B3GALNT2: variants seen among roughly 807,000 people sequenced by gnomAD.
B3GALNT2 encodes the protein UDP-GalNAc:beta-1,3-N-acetylgalactosaminyltransferase 2.
Under a neutral mutation model 61.1 loss-of-function variants are expected in B3GALNT2, and 53 were observed. The observed-to-expected ratio is 0.87, with a 90% CI of 0.70 to 1.09. The LOEUF is 1.09. Among genes scored for constraint, B3GALNT2 ranks in the 50% least tolerant of loss-of-function variants. The pLI is 0.00. For synonymous variants in B3GALNT2, 223 were observed against 237.4 expected, an observed-to-expected ratio of 0.94 and a Z score of 0.56; for missense variants, 544 against 623.0, an observed-to-expected ratio of 0.87 and a Z score of 1.35.
intron 3 of B3GALNT2, among the ~76,000 whole-genome samples, chr1:235,488,438 CT>C (rs1253194497): frequency 6.6e-6 from 1 of 151,956 alleles, no homozygotes; most frequent in Non-Finnish European, 1.5e-5. Context: ...AATCTCAGCA[CT>C]TTGGGAGGCT....
intron 5 of B3GALNT2, among the ~76,000 whole-genome samples, chr1:235,476,162 C>CT (rs1684268107): frequency 6.6e-6 from 1 of 152,106 alleles, no homozygotes; most frequent in East Asian, 1.9e-4. Context: ...AATCCCAGCA[C>CT]TTTGGGAGGC....
intron 10 of B3GALNT2, 22 bp downstream of exon 10, chr1:235,454,134 A>C (rs745565446): frequency 4.4e-6 from 7 of 1,575,780 alleles, no homozygotes; most frequent in Non-Finnish European, 6.0e-6. Context: ...CCACCACGCC[A>C]AGCTAAGAAA....
chr1:235,441,875 GCTA>G, the B3GALNT2 span: 3 of 1,613,876 alleles, frequency 1.9e-6, no homozygotes, highest in Admixed American at 1.7e-5. Context: ...TGAAAAACCA[GCTA>G]CTAAGTAAGA....
Position 235,504,177 on chromosome 1 carries a change from G to T in B3GALNT2, c.76C>A (p.Pro26Thr). 1 of 1,307,182 alleles carries T rather than the reference G, an allele frequency of 7.7e-7. No homozygotes were observed. The highest frequency in any genetic ancestry group is 2.3e-5 in the South Asian group (1 of 43,772). 81.0% of individuals were successfully genotyped at this position (1,307,182 alleles called of 1,614,324 possible). The stretch of plus-strand genomic sequence containing the variant: ...GCCCCGGAGGCGCAGGCGGGCGGCG[G>T]GGAGCGCAGCCGCAGCCAGAGGTGC... ...ALHLWLRLRS[P>T]PPACASGAGP... Residue 26 changes from proline (P) to threonine (T), a missense_variant, in exon 1 of 12, where the codon CCG becomes ACG. Transcript: ENST00000366600.
At chr1:235,446,078 T>G (rs1439958480), downstream of B3GALNT2, among the ~76,000 whole-genome samples, 3 of 152,190 alleles carry the variant, frequency 2.0e-5, no homozygotes, top group Non-Finnish European at 2.9e-5. Context: ...TACTGGGCAG[T>G]GTATGGCTAG....
At chr1:235,459,951 G>A (rs1305646068) in intron 7 of B3GALNT2, among the ~76,000 whole-genome samples, 3 of 151,736 alleles carry the variant, frequency 2.0e-5, no homozygotes, top group Non-Finnish European at 4.4e-5. Context: ...TAGCTACCAC[G>A]CCCGGCTAAT....
At chr1:235,500,314 A>C (rs1323051352) in intron 1 of B3GALNT2, among the ~76,000 whole-genome samples, 1 of 152,126 alleles carries the variant, frequency 6.6e-6, no homozygotes, top group Non-Finnish European at 1.5e-5. Flanking sequence ...CCAACATGGC[A>C]AAACGCAGTC....
chr1:235,490,660 A>G (rs1427980868), intron 2 of B3GALNT2, among the ~76,000 whole-genome samples: 1 of 152,204 alleles, frequency 6.6e-6, no homozygotes, highest in Non-Finnish European at 1.5e-5. Flanking sequence ...CCAACTGTCA[A>G]CTTTTCAGAA....
chr1:235,498,935 T>C (rs961334849), intron 1 of B3GALNT2, among the ~76,000 whole-genome samples: 2 of 151,414 alleles, frequency 1.3e-5, no homozygotes. Flanking sequence ...GCAGGGCAAT[T>C]TGGCAATGTG....
At chr1:235,480,861 G>A (rs1337029280) in intron 4 of B3GALNT2, among the ~76,000 whole-genome samples, 1 of 122,376 alleles carries the variant, frequency 8.2e-6, no homozygotes, top group Non-Finnish European at 1.6e-5. Context: ...AGCCAAGACT[G>A]CACCACTGCA....
chr1:235,440,877 T>G, the B3GALNT2 span: 1 of 152,188 alleles, frequency 6.6e-6, no homozygotes, highest in East Asian at 1.9e-4. Context: ...AATTCATGAG[T>G]CTTTGTCCCT....
chr1:235,457,962 A>G (rs1683246010), intron 8 of B3GALNT2, among the ~76,000 whole-genome samples: 1 of 148,352 alleles, frequency 6.7e-6, no homozygotes, highest in South Asian at 2.1e-4. Context: ...GCTGGAGTGC[A>G]GTGGTGTGAT....
At chr1:235,484,285 G>C (rs754535220) in intron 4 of B3GALNT2, 37 bp downstream of exon 4, 7 of 1,531,036 alleles carry the variant, frequency 4.6e-6, no homozygotes, top group East Asian at 2.3e-5. Context: ...TTTTGAAAAA[G>C]AAAAAAGAGA....
chr1:235,487,207 T>C (rs1475230953), intron 3 of B3GALNT2, among the ~76,000 whole-genome samples: 1 of 151,760 alleles, frequency 6.6e-6, no homozygotes, highest in African/African-American at 2.4e-5. Context: ...CAAAGGACTT[T>C]CTCCCCAGCA....
At chr1:235,498,144 T>C (rs11582678) in intron 1 of B3GALNT2, among the ~76,000 whole-genome samples, 10,794 of 152,272 alleles carry the variant, frequency 0.071, 828 homozygotes, top group African/African-American at 0.19. Context: ...TCCTGAGTAC[T>C]GTGTTACACA....
intron 3 of B3GALNT2, 32 bp downstream of exon 3, chr1:235,489,136 G>A: frequency 6.2e-7 from 1 of 1,611,966 alleles, no homozygotes; most frequent in Non-Finnish European, 8.5e-7. Context: ...CATCAAGCTT[G>A]TGTATGGCAG....
At position 235,504,317 on chromosome 1, in the gene B3GALNT2, G is replaced by A; in HGVS notation, c.-65C>T. The A allele has an allele frequency of 1.4e-6, 2 of 1,450,912 alleles. No homozygotes were observed. The highest frequency in any genetic ancestry group is 2.4e-5 in the Admixed American group (1 of 41,844). The allele number at this position is 1,450,912 out of a possible 1,614,324, so 89.9% of individuals were successfully genotyped here. Reference sequence around the variant, plus strand: ...GCGGAGAGGGAGGGGACCTGCAAGTGCGGAGACTGAGGGGCGGCGGCTGAC... The same window carrying A: ...GCGGAGAGGGAGGGGACCTGCAAGTACGGAGACTGAGGGGCGGCGGCTGAC... On this transcript the variant is annotated 5_prime_UTR_variant, in exon 1 of 12. Coordinates refer to ENST00000366600, the MANE Select transcript of B3GALNT2 (RefSeq NM_152490.5).
the B3GALNT2 span, chr1:235,441,968 T>A: frequency 8.6e-7 from 1 of 1,165,930 alleles, no homozygotes. Context: ...AGTGTGTACC[T>A]CTTAAGTACC....
At chr1:235,442,661 G>A (rs370187912), downstream of B3GALNT2, among the ~76,000 whole-genome samples, 13 of 152,296 alleles carry the variant, frequency 8.5e-5, no homozygotes, top group African/African-American at 2.9e-4. Context: ...AAAAGGGAAA[G>A]TATTGTCCAG....
Sources: gnomAD v4.1 joint callset for allele counts (sites outside exome capture counted in the v4.1 genomes callset) on GRCh38, gnomAD v4.1.1 for gene constraint, MANE v1.5 for transcripts, NCBI Gene and HGNC (gene_info 2026-07-23, HGNC 2026-07-21) for gene names.